POLQ: variants seen among roughly 807,000 people sequenced by gnomAD.
POLQ encodes epididymis secretory sperm binding protein.
In POLQ, 233 loss-of-function variants were observed where a neutral mutation model predicts 259.2. That is an observed-to-expected ratio of 0.90 (90% CI 0.81 to 1.00). The LOEUF (loss-of-function observed/expected upper bound fraction) is 1.00. Ranked by LOEUF, POLQ falls within the 50% of genes least tolerant of loss-of-function variation. POLQ has a pLI of 0.00. For missense variants in POLQ, 2,871 were observed against 3,051.6 expected, an observed-to-expected ratio of 0.94 and a Z score of 1.39; for synonymous variants, 1,025 against 1,048.8, an observed-to-expected ratio of 0.98 and a Z score of 0.44.
intron 25 of POLQ, among the ~76,000 whole-genome samples, chr3:121,453,899 C>A (rs1336842591): frequency 6.6e-6 from 1 of 152,094 alleles, no homozygotes; most frequent in Non-Finnish European, 1.5e-5. Flanking sequence ...AGATACTCCT[C>A]GAGAAGAGCA....
chr3:121,513,154 G>A (rs2048266891), intron 9 of POLQ, among the ~76,000 whole-genome samples: 1 of 152,060 alleles, frequency 6.6e-6, no homozygotes, highest in African/African-American at 2.4e-5. Context: ...CTGGCACAGT[G>A]CTGGAATATC....
chr3:121,510,011 T>A (rs2048240775), intron 11 of POLQ, 28 bp downstream of exon 11: 2 of 1,557,038 alleles, frequency 1.3e-6, no homozygotes, highest in Non-Finnish European at 1.8e-6. Flanking sequence ...AAAAAGTGAG[T>A]AAATTGCAAC....
chr3:121,493,176 C>A (rs2048084174), intron 15 of POLQ, among the ~76,000 whole-genome samples: 1 of 151,788 alleles, frequency 6.6e-6, no homozygotes, highest in Non-Finnish European at 1.5e-5. Flanking sequence ...GTGGTGGGTG[C>A]CTATAATCCC....
chr3:121,500,585 A>C (rs1336584945), intron 12 of POLQ, among the ~76,000 whole-genome samples: 1 of 152,226 alleles, frequency 6.6e-6, no homozygotes, highest in East Asian at 1.9e-4. Context: ...GGAATATGGG[A>C]AACATTAAGT....
In POLQ at chr3:121,453,481, A is replaced by G. The variant is rs181426165; in HGVS notation, c.7153-4055T>C. Among the ~76,000 whole-genome samples the G allele has an allele frequency of 1.0e-3, 159 of 152,322 alleles. 1 individual carries two copies. The highest frequency in any genetic ancestry group is 1.6e-3 in the Admixed American group (25 of 15,300). On this transcript the variant is annotated intron_variant, in intron 25 of 29. Coordinates refer to ENST00000264233, the MANE Select transcript of POLQ (RefSeq NM_199420.4). ...AATTCAAGCAAAAGGCAAACAAGTT[A>G]AAAACTTAGAATAAAATTTAGACAA...
intron 7 of POLQ, among the ~76,000 whole-genome samples, chr3:121,525,256 G>C (rs1461555368): frequency 6.6e-6 from 1 of 151,934 alleles, no homozygotes; most frequent in East Asian, 1.9e-4. Context: ...CAGGAGAATG[G>C]CGTGAACCTG....
chr3:121,456,835 T>TC (rs1413348394), intron 25 of POLQ, among the ~76,000 whole-genome samples: 1 of 152,174 alleles, frequency 6.6e-6, no homozygotes. Context: ...TTCAATGCCA[T>TC]CCCCATCAAA....
intron 9 of POLQ, among the ~76,000 whole-genome samples, chr3:121,513,551 G>A (rs556905780): frequency 8.9e-4 from 114 of 128,142 alleles, no homozygotes; most frequent in African/African-American, 3.3e-3. Context: ...GCAGTGAGCT[G>A]AGATCACGCC....
At chr3:121,501,610 C>A (rs1412915100) in intron 12 of POLQ, among the ~76,000 whole-genome samples, 1 of 136,116 alleles carries the variant, frequency 7.3e-6, no homozygotes, top group Non-Finnish European at 1.5e-5. Context: ...TGCAGTGAGC[C>A]GAGATCCCGC....
chr3:121,481,885 G>A, intron 18 of POLQ, 73 bp from the exon 19 acceptor site: 5 of 1,346,278 alleles, frequency 3.7e-6, no homozygotes, highest in South Asian at 1.5e-5. Context: ...AATGAAAAGG[G>A]AAAAAAACAA....
chr3:121,539,411 A>C, intron 4 of POLQ, 22 bp downstream of exon 4: 2 of 1,549,294 alleles, frequency 1.3e-6, no homozygotes, highest in Non-Finnish European at 1.8e-6. Flanking sequence ...GAAAGTATTT[A>C]CTTATTTTCT....
chr3:121,495,271 CA>C (rs558113034), intron 14 of POLQ, among the ~76,000 whole-genome samples: 112 of 137,062 alleles, frequency 8.2e-4, no homozygotes, highest in East Asian at 2.0e-3. Context: ...AACTCCATCT[CA>C]AAAAAAAAAA....
chr3:121,545,950 G>A lies in POLQ; in HGVS notation c.-73C>T. On this transcript the variant is annotated 5_prime_UTR_variant, in exon 1 of 30. Coordinates refer to ENST00000264233, the MANE Select transcript of POLQ (RefSeq NM_199420.4). ...TCCCTCTCGGGAGAACCCTGGCCTGGCAACAGCTGCGGACATCTTCCCGCC... is the reference window on the plus strand; with the variant it reads ...TCCCTCTCGGGAGAACCCTGGCCTGACAACAGCTGCGGACATCTTCCCGCC... The A allele has an allele frequency of 2.0e-6, 3 of 1,532,564 alleles. No individual in the cohort carries two copies. Among genetic ancestry groups the A allele is most frequent in the Admixed American group, 1.8e-5 (1 of 54,312 alleles). 94.9% of individuals were successfully genotyped at this position (1,532,564 alleles called of 1,614,324 possible). A position where few individuals can be genotyped will look rare whatever the true frequency, so the allele number is the denominator to read the frequency against.
At chr3:121,449,932 G>A (rs572515463) in intron 25 of POLQ, among the ~76,000 whole-genome samples, 104 of 152,268 alleles carry the variant, frequency 6.8e-4, no homozygotes, top group South Asian at 1.5e-3. Flanking sequence ...CACAACTGCA[G>A]AATTTAATTC....
intron 5 of POLQ, among the ~76,000 whole-genome samples, chr3:121,533,903 C>CTTTTT (rs35959660): frequency 1.7e-5 from 2 of 119,638 alleles, no homozygotes; most frequent in Non-Finnish European, 3.3e-5. Flanking sequence ...TGTGGATACC[C>CTTTTT]TTTTTTTTTT....
chr3:121,520,923 C>T (rs1253895403), intron 8 of POLQ, among the ~76,000 whole-genome samples: 2 of 152,124 alleles, frequency 1.3e-5, no homozygotes, highest in African/African-American at 2.4e-5. Flanking sequence ...AAATGAAAAA[C>T]AGTGTATAGA....
intron 20 of POLQ, among the ~76,000 whole-genome samples, chr3:121,475,461 A>C (rs1221354557): frequency 6.6e-6 from 1 of 152,240 alleles, no homozygotes; most frequent in Non-Finnish European, 1.5e-5. Flanking sequence ...ATCAAAGGGT[A>C]CATGAATGGC....
chr3:121,541,348 C>T lies in POLQ; in HGVS notation c.474+1G>A. 1.3e-6 allele frequency: 2 copies of T among 1,591,322 alleles called. No individual in the cohort carries two copies. The highest frequency in any genetic ancestry group is 1.7e-6 in the Non-Finnish European group (2 of 1,170,818). ...ATTTCAAACTTAGTAAAAAACATTA[C>T]CTGGAGGTAGTATTTCTTCTCTTTA... On this transcript the variant is annotated splice_donor_variant, in intron 3 of 29. Coordinates refer to ENST00000264233, the MANE Select transcript of POLQ (RefSeq NM_199420.4). LOFTEE classifies it high-confidence loss of function.
intron 25 of POLQ, among the ~76,000 whole-genome samples, chr3:121,455,084 A>G (rs1358264888): frequency 6.6e-6 from 1 of 151,922 alleles, no homozygotes; most frequent in Non-Finnish European, 1.5e-5. Flanking sequence ...AAACTCACTC[A>G]AAACCACTCA....
Sources: gnomAD v4.1 joint callset for allele counts (sites outside exome capture counted in the v4.1 genomes callset) on GRCh38, gnomAD v4.1.1 for gene constraint, MANE v1.5 for transcripts, NCBI Gene and HGNC (gene_info 2026-07-23, HGNC 2026-07-21) for gene names.